LINGO2: variants seen among roughly 807,000 people sequenced by gnomAD.
LINGO2 encodes leucine rich repeat and Ig domain containing 2, also known as leucine-rich repeat and immunoglobulin-like domain-containing nogo receptor-interacting protein 2.
In LINGO2, 14 loss-of-function variants were observed where a neutral mutation model predicts 30.6. The observed-to-expected ratio is 0.46, with a 90% confidence interval of 0.30 to 0.72. LINGO2 has a LOEUF of 0.72. Among genes scored for constraint, LINGO2 ranks in the 30% least tolerant of loss-of-function variants. The probability of loss-of-function intolerance (pLI) is 0.07; values close to 1 mark genes in which losing one functional copy is unlikely to be tolerated. For synonymous variants in LINGO2, 317 were observed against 288.5 expected, an observed-to-expected ratio of 1.10 and a Z score of -1.00; for missense variants, 729 against 751.7, an observed-to-expected ratio of 0.97 and a Z score of 0.35.
intron 1 of LINGO2, among the ~76,000 whole-genome samples, chr9:28,569,134 A>T (rs779284814): frequency 5.3e-5 from 8 of 152,068 alleles, no homozygotes; most frequent in Non-Finnish European, 1.0e-4. Context: ...GATGAAAAAT[A>T]ACAAGAGTGT....
intron 1 of LINGO2, among the ~76,000 whole-genome samples, chr9:28,604,354 C>A (rs1825615519): frequency 1.3e-5 from 2 of 152,038 alleles, no homozygotes; most frequent in Admixed American, 1.3e-4. Flanking sequence ...GTTTTTATGA[C>A]TTAGGGAAGC....
At chr9:28,481,868 G>A (rs1186177540) in intron 1 of LINGO2, among the ~76,000 whole-genome samples, 1 of 150,508 alleles carries the variant, frequency 6.6e-6, no homozygotes, top group African/African-American at 2.4e-5. Context: ...GTGAGAATAT[G>A]CGGTGTTTGG....
intron 1 of LINGO2, among the ~76,000 whole-genome samples, chr9:28,667,808 T>C (rs979171290): frequency 2.0e-5 from 3 of 152,118 alleles, no homozygotes; most frequent in Non-Finnish European, 2.9e-5. Context: ...ATGTCTGTTC[T>C]GGGCAGTTAT....
At chr9:28,301,087 A>C (rs957224363) in intron 3 of LINGO2, among the ~76,000 whole-genome samples, 1 of 152,170 alleles carries the variant, frequency 6.6e-6, no homozygotes, top group Admixed American at 6.5e-5. Flanking sequence ...CTCAGAGCCA[A>C]GTGTATCTCT....
At chr9:28,677,412 T>G in the LINGO2 span, among the ~76,000 whole-genome samples, 5 of 152,202 alleles carry the variant, frequency 3.3e-5, no homozygotes, top group Non-Finnish European at 5.9e-5. Flanking sequence ...CTGCTTACTT[T>G]ATCTCATACT....
intron 3 of LINGO2, among the ~76,000 whole-genome samples, chr9:28,316,555 A>G (rs956324581): frequency 1.3e-5 from 2 of 152,170 alleles, no homozygotes; most frequent in Admixed American, 6.5e-5. Context: ...TACAGGTACA[A>G]TTACAAAGAA....
the LINGO2 span, among the ~76,000 whole-genome samples, chr9:28,696,358 A>C: frequency 6.6e-6 from 1 of 151,862 alleles, no homozygotes; most frequent in South Asian, 2.1e-4. Context: ...TTATACCAAA[A>C]ATTTGAAGTC....
the LINGO2 span, among the ~76,000 whole-genome samples, chr9:28,872,948 C>A: frequency 6.6e-6 from 1 of 152,054 alleles, no homozygotes; most frequent in Non-Finnish European, 1.5e-5. Flanking sequence ...ATTAGGATTC[C>A]ATTTGCAATG....
At chr9:29,091,043 G>A in the LINGO2 span, among the ~76,000 whole-genome samples, 31 of 152,082 alleles carry the variant, frequency 2.0e-4, no homozygotes, top group Non-Finnish European at 4.0e-4. Context: ...GCCCAGTTAA[G>A]GTAATCATGA....
At chr9:28,867,420 T>C in the LINGO2 span, among the ~76,000 whole-genome samples, 1 of 149,250 alleles carries the variant, frequency 6.7e-6, no homozygotes, top group Admixed American at 6.7e-5. Flanking sequence ...TTGCTAACAA[T>C]AATAAGCAAG....
the LINGO2 span, among the ~76,000 whole-genome samples, chr9:29,024,999 A>C: frequency 1.3e-5 from 2 of 152,118 alleles, no homozygotes; most frequent in African/African-American, 4.8e-5. Context: ...AAAAAGAAAA[A>C]AACAGAACAG....
intron 4 of LINGO2, among the ~76,000 whole-genome samples, chr9:28,027,624 G>A (rs185718460): frequency 3.3e-5 from 5 of 152,224 alleles, no homozygotes; most frequent in African/African-American, 1.2e-4. Context: ...CCTTGGGCAA[G>A]TTACTCAACC....
chr9:28,909,223 T>C, the LINGO2 span, among the ~76,000 whole-genome samples: 1 of 151,932 alleles, frequency 6.6e-6, no homozygotes, highest in African/African-American at 2.4e-5. Flanking sequence ...ATGTCACTTA[T>C]TTTAATGAAG....
intron 2 of LINGO2, among the ~76,000 whole-genome samples, chr9:28,380,960 G>C (rs1821330655): frequency 6.6e-6 from 1 of 152,080 alleles, no homozygotes. Context: ...GCTTGCCCTT[G>C]AGTATGTATT....
rs376861103 is a variant in LINGO2, at chr9:28,541,999, T to G, written c.-364-65974A>C. ...AGCCATTATAGAATGGGTGCATTCC[T>G]GGAAGCACACACTAAAACAGAGTTT... On this transcript the variant is annotated intron_variant, in intron 1 of 5. Coordinates refer to ENST00000379992, the Ensembl canonical transcript of LINGO2. 3.9e-5 allele frequency among the ~76,000 whole-genome samples: 6 copies of G among 152,118 alleles called. No homozygotes were observed. In the South Asian group the frequency reaches 1.2e-3, roughly 32 times the overall value.
the LINGO2 span, among the ~76,000 whole-genome samples, chr9:28,754,612 TTA>T: frequency 6.6e-6 from 1 of 151,858 alleles, no homozygotes; most frequent in Non-Finnish European, 1.5e-5. Flanking sequence ...TCTGAAACTT[TTA>T]TCTGTTTATC....
At chr9:28,182,216 G>A (rs894477858) in intron 4 of LINGO2, among the ~76,000 whole-genome samples, 1 of 152,144 alleles carries the variant, frequency 6.6e-6, no homozygotes. Context: ...AATGGGGTAA[G>A]GATCTCCTGT....
chr9:28,873,882 AAT>A, the LINGO2 span, among the ~76,000 whole-genome samples: 20 of 151,376 alleles, frequency 1.3e-4, no homozygotes, highest in South Asian at 2.9e-3. Context: ...AAAATAAAAA[AAT>A]ATATATATAT....
At chr9:29,087,659 A>C in the LINGO2 span, among the ~76,000 whole-genome samples, 1 of 152,066 alleles carries the variant, frequency 6.6e-6, no homozygotes, top group Non-Finnish European at 1.5e-5. Context: ...CCCAGTCTTT[A>C]ATTAGACTAG....
Sources: allele counts gnomAD v4.1 joint callset (sites outside exome capture counted in the v4.1 genomes callset), GRCh38; gene constraint gnomAD v4.1.1; transcripts MANE v1.5; gene names NCBI Gene and HGNC (gene_info 2026-07-23, HGNC 2026-07-21).